The following TEX10 variants were observed in gnomAD, a reference collection of about 807,000 sequenced individuals.
The protein encoded by TEX10 is testis expressed 10, also known as testis-expressed protein 10.
A neutral mutation model predicts 104.4 loss-of-function variants in TEX10; 24 were observed. The observed-to-expected ratio is 0.23, with a 90% confidence interval of 0.17 to 0.32. The LOEUF (loss-of-function observed/expected upper bound fraction) is 0.32, where lower values mean the gene tolerates loss of function less well. Ranked by LOEUF, TEX10 falls within the 10% of genes least tolerant of loss-of-function variation. TEX10 has a pLI of 1.00. For synonymous variants in TEX10, 396 were observed against 393.4 expected (o/e 1.01, Z -0.08); for missense variants, 921 against 1,083.9 (o/e 0.85, Z 2.11).
chr9:100,327,710 A>C (rs533486079), intron 8 of TEX10, 77 bp downstream of exon 8: 2 of 1,235,570 alleles, frequency 1.6e-6, no homozygotes, highest in East Asian at 5.2e-5. Context: ...AAAATTACAG[A>C]GCTCCCCTTA....
chr9:100,331,044 T>C (rs774733243), intron 5 of TEX10, among the ~76,000 whole-genome samples: 7 of 151,388 alleles, frequency 4.6e-5, no homozygotes, highest in Admixed American at 2.6e-4. Context: ...TCACCTGAGG[T>C]CAGGAGTTCA....
intron 11 of TEX10, among the ~76,000 whole-genome samples, chr9:100,312,095 C>T (rs369765763): frequency 1.3e-3 from 197 of 152,258 alleles, no homozygotes; most frequent in African/African-American, 4.5e-3. Flanking sequence ...TGAGAAAAAA[C>T]TCATTTCCAA....
rs750647749 is a variant in TEX10 at position 100,346,985 on chromosome 9, T to C, written c.602A>G (p.Asn201Ser). 6.2e-7 allele frequency: 1 copy of C among 1,614,218 alleles called. No individual in the cohort carries two copies. The change falls in exon 3 of 15, where the codon AAT becomes AGT. Residue 201 changes from asparagine to serine, a missense_variant. Physicochemically the swap from Asn to Ser is conservative, Grantham distance 46 (BLOSUM62 1). Transcript: ENST00000374902. ...TATCCAGGACTGGGATCTGTCTCTA[T>C]TTATCAGTCCTTTGGACAGCTGCTG... is the stretch of plus-strand genomic sequence containing the variant. ...SHQQLSKGLI[N>S]RDRSQSWILS... is the part of the protein sequence containing the mutation.
intron 5 of TEX10, among the ~76,000 whole-genome samples, chr9:100,331,523 T>C (rs1332191474): frequency 6.6e-6 from 1 of 152,180 alleles, no homozygotes; most frequent in Non-Finnish European, 1.5e-5. Context: ...TTAATCCTAG[T>C]TAGTCTTGAG....
intron 9 of TEX10, among the ~76,000 whole-genome samples, chr9:100,322,223 C>T (rs1834588648): frequency 6.6e-6 from 1 of 152,222 alleles, no homozygotes; most frequent in African/African-American, 2.4e-5. Context: ...GAAAACTTAT[C>T]TTTAAAGCCA....
rs774676605 is a variant in TEX10, at chr9:100,349,235, T to C, written c.129A>G (p.Gln43=). The C allele has an allele frequency of 3.1e-6, 5 of 1,590,346 alleles. No individual in the cohort carries two copies. The highest frequency in any genetic ancestry group is 4.3e-6 in the Non-Finnish European group (5 of 1,172,544). Residue 43 remains glutamine (Q), a synonymous_variant, in exon 2 of 15, where the codon CAA becomes CAG. Transcript: ENST00000374902. ...FKTKTIHLPE[Q]LKEDGTLPTN... is the part of the protein sequence containing the mutation. Reference sequence around the variant, plus strand: ...TTGGAAGTGTTCCATCCTCTTTGAGTTGCTCAGGCAGATGTATAGTCTTTG... The same window carrying C: ...TTGGAAGTGTTCCATCCTCTTTGAGCTGCTCAGGCAGATGTATAGTCTTTG...
rs1357188599 is a variant in TEX10 at position 100,346,098 on chromosome 9, T to C, written c.1111A>G (p.Lys371Glu). The change falls in exon 4 of 15, where the codon AAA (lysine) becomes GAA (glutamate). Residue 371 changes from lysine (K) to glutamate (E), a missense_variant. Lys to Glu is a moderately conservative substitution (Grantham distance 56). Transcript: ENST00000374902. ...AATTTATGGGTTTCATCCTGTTGTTTAGAGAGTTTCCACAGAAGGGAAATA... is the reference window on the plus strand; with the variant it reads ...AATTTATGGGTTTCATCCTGTTGTTCAGAGAGTTTCCACAGAAGGGAAATA... ...NIISLLWKLS[K>E]QQDETHKLES... 1 of 1,613,852 alleles carries C rather than the reference T, an allele frequency of 6.2e-7. No individual in the cohort carries two copies. Among genetic ancestry groups the C allele is most frequent in the Non-Finnish European group, 8.5e-7 (1 of 1,179,860 alleles).
At chr9:100,321,117 T>G (rs904118791) in intron 10 of TEX10, among the ~76,000 whole-genome samples, 7 of 152,194 alleles carry the variant, frequency 4.6e-5, no homozygotes, top group African/African-American at 1.4e-4. Context: ...AAAAACTTTC[T>G]GACAACTACT....
At chr9:100,330,213 A>G (rs757526019) in intron 5 of TEX10, 44 bp from the exon 6 acceptor site, 3 of 1,340,038 alleles carry the variant, frequency 2.2e-6, no homozygotes, top group Non-Finnish European at 3.1e-6. Context: ...TACGTCTACC[A>G]TGCCTGCTTC....
At chr9:100,316,078 G>C (rs1207353305) in intron 11 of TEX10, among the ~76,000 whole-genome samples, 2 of 152,134 alleles carry the variant, frequency 1.3e-5, no homozygotes, top group African/African-American at 4.8e-5. Context: ...ATGTCCTGAA[G>C]GCTTTGTTCA....
intron 5 of TEX10, among the ~76,000 whole-genome samples, chr9:100,333,847 A>G (rs1481616072): frequency 6.6e-6 from 1 of 152,210 alleles, no homozygotes; most frequent in African/African-American, 2.4e-5. Flanking sequence ...ACAAATGAGC[A>G]AAGGAAATTT....
rs554101996 is a variant in TEX10 at position 100,329,777 on chromosome 9, T to C, written c.1489+154A>G. The stretch of plus-strand genomic sequence containing the variant: ...GAGATACTCTGAGCCATAAACAATT[T>C]CAGTGTTCAAGTAGACAGTAGCTAC... On this transcript the variant is annotated intron_variant, in intron 6 of 14. Coordinates refer to ENST00000374902, the MANE Select transcript of TEX10 (RefSeq NM_017746.4). 8.3e-5 allele frequency: 57 copies of C among 686,614 alleles called. 2 individuals carry two copies. In the South Asian group the frequency reaches 1.1e-3, roughly 14 times the overall value. 42.5% of individuals were successfully genotyped at this position (686,614 alleles called of 1,614,324 possible). A position where few individuals can be genotyped will look rare whatever the true frequency, so the allele number is the denominator to read the frequency against.
chr9:100,328,445 C>T (rs983134494), intron 7 of TEX10, among the ~76,000 whole-genome samples: 1 of 152,158 alleles, frequency 6.6e-6, no homozygotes, highest in Admixed American at 6.5e-5. Context: ...ACTTAAGTCT[C>T]AGCTCTGCTA....
At chr9:100,320,520 C>G (rs1834540936) in intron 10 of TEX10, 122 bp from the exon 11 acceptor site, 1 of 1,083,514 alleles carries the variant, frequency 9.2e-7, no homozygotes, top group East Asian at 2.6e-5. Context: ...CTTGTTTTCT[C>G]TGAGCTTCTG....
In TEX10 at chr9:100,347,279, A is replaced by G; in HGVS notation, c.308T>C (p.Val103Ala). The G allele has an allele frequency of 1.2e-6, 2 of 1,614,162 alleles. No individual in the cohort carries two copies. The highest frequency in any genetic ancestry group is 1.7e-6 in the Non-Finnish European group (2 of 1,179,998). The change falls in exon 3 of 15, where the codon GTG (valine) becomes GCG (alanine). Residue 103 changes from valine to alanine, a missense_variant. Physicochemically the swap from Val to Ala is moderately conservative, Grantham distance 64. This residue lies in a region of TEX10 where 50 missense variants were observed against 104.2 expected (regional missense o/e 0.48). Coordinates refer to ENST00000374902, the MANE Select transcript of TEX10 (RefSeq NM_017746.4). ...DAHLSNILSE[V>A]TAVFTDKDAN... ...ATCTTTATCTGTAAACACAGCAGTC[A>G]CTTCACTTAATATGTTTGAAAGGTG... is the stretch of plus-strand genomic sequence containing the variant.
At chr9:100,316,634 C>T (rs2118851905) in intron 11 of TEX10, among the ~76,000 whole-genome samples, 1 of 152,212 alleles carries the variant, frequency 6.6e-6, no homozygotes, top group South Asian at 2.1e-4. Context: ...TGGAGTCTCG[C>T]TCTGTTGCCC....
At chr9:100,330,959 T>C (rs1289425902) in intron 5 of TEX10, among the ~76,000 whole-genome samples, 2 of 151,676 alleles carry the variant, frequency 1.3e-5, no homozygotes, top group Non-Finnish European at 2.9e-5. Flanking sequence ...CTACAAAAAA[T>C]GAAAGTAAAA....
intron 9 of TEX10, among the ~76,000 whole-genome samples, chr9:100,322,018 G>C (rs1261939909): frequency 1.3e-5 from 2 of 151,996 alleles, no homozygotes; most frequent in Non-Finnish European, 2.9e-5. Context: ...AACATATATA[G>C]TACAACAGAA....
At position 100,327,855 on chromosome 9, in the gene TEX10, T is replaced by C; in HGVS notation, c.1733A>G (p.His578Arg). 1 of 1,607,872 alleles carries C rather than the reference T, an allele frequency of 6.2e-7. No individual in the cohort carries two copies. Among genetic ancestry groups the C allele is most frequent in the Non-Finnish European group, 8.5e-7 (1 of 1,175,678 alleles). ...ELSTQLIDII[H>R]TAAARANKEL... is the part of the protein sequence containing the mutation. Reference sequence around the variant, plus strand: ...TTTATTTGCTCGTGCTGCAGCGGTATGAATGATATCGATAAGCTGTGTAGA... The same window carrying C: ...TTTATTTGCTCGTGCTGCAGCGGTACGAATGATATCGATAAGCTGTGTAGA... The change falls in exon 8 of 15, where the codon CAT becomes CGT. Residue 578 changes from histidine to arginine, a missense_variant. This residue lies in a region of TEX10 where 753 missense variants were observed against 868.4 expected (regional missense o/e 0.87). Coordinates refer to ENST00000374902, the MANE Select transcript of TEX10 (RefSeq NM_017746.4).
Sources: allele counts gnomAD v4.1 joint callset (sites outside exome capture counted in the v4.1 genomes callset), GRCh38; gene constraint gnomAD v4.1.1; regional missense constraint gnomAD v4.1.1; transcripts MANE v1.5; gene names NCBI Gene and HGNC (gene_info 2026-07-23, HGNC 2026-07-21).